SLC26A3: variants seen among roughly 807,000 people sequenced by gnomAD.
SLC26A3 encodes the protein solute carrier family 26 member 3.
Under a neutral mutation model 85.6 loss-of-function variants are expected in SLC26A3, and 64 were observed. The ratio of observed to expected loss-of-function variants is 0.75; its 90% confidence interval spans 0.61 to 0.92. SLC26A3 has a LOEUF of 0.92. Ranked by LOEUF, SLC26A3 falls within the 40% of genes least tolerant of loss-of-function variation. The pLI, the probability that SLC26A3 is intolerant of heterozygous loss-of-function variation, is 0.00. For missense variants in SLC26A3, 922 were observed against 927.3 expected (o/e 0.99, Z 0.07); for synonymous variants, 349 against 336.0 (o/e 1.04, Z -0.42).
intron 6 of SLC26A3, among the ~76,000 whole-genome samples, chr7:107,788,405 C>G (rs1301810880): frequency 6.6e-6 from 1 of 152,280 alleles, no homozygotes; most frequent in East Asian, 1.9e-4. Flanking sequence ...GGGAGAACTG[C>G]TGCCCTATCT....
At chr7:107,776,993 G>A (rs1168869210) in intron 13 of SLC26A3, among the ~76,000 whole-genome samples, 1 of 152,186 alleles carries the variant, frequency 6.6e-6, no homozygotes, top group Non-Finnish European at 1.5e-5. Context: ...ATTCCATGAG[G>A]TAAGGTGGAT....
chr7:107,791,096 C>T lies in SLC26A3; in HGVS notation c.522G>A (p.Val174=). 2 of 1,614,214 alleles carry T rather than the reference C, an allele frequency of 1.2e-6. No individual in the cohort carries two copies. The highest frequency in any genetic ancestry group is 2.7e-5 in the African/African-American group (2 of 75,054). ...TGACTGATGCCGCCGCCGCCACCCT[C>T]ACCCTCTCGTCATCCAGTAGTGAAG... ...NNSSLLDDER[V]RVAAAASVTV... The change falls in exon 5 of 21, where the codon GTG becomes GTA. Residue 174 remains valine, a synonymous_variant. Transcript: ENST00000340010.
chr7:107,774,226 G>A, intron 16 of SLC26A3, 73 bp from the exon 17 acceptor site: 3 of 1,199,532 alleles, frequency 2.5e-6, no homozygotes, highest in Admixed American at 3.4e-5. Flanking sequence ...TAGCCAGTGA[G>A]TTTCAGAAGC....
chr7:107,798,420 G>A (rs566769677), intron 1 of SLC26A3, among the ~76,000 whole-genome samples: 5 of 152,130 alleles, frequency 3.3e-5, no homozygotes, highest in African/African-American at 7.2e-5. Context: ...CTCCAGTTAC[G>A]AGAACCTCCA....
chr7:107,790,125 G>A (rs1794367897), intron 5 of SLC26A3, among the ~76,000 whole-genome samples: 1 of 152,208 alleles, frequency 6.6e-6, no homozygotes, highest in Admixed American at 6.5e-5. Context: ...TTTCCTCAAA[G>A]TTGCTCAACT....
At chr7:107,788,784 C>CTTTTTTTTTTTTTTTTTCTTTTTTTTTTT (rs71861759) in intron 6 of SLC26A3, among the ~76,000 whole-genome samples, 1 of 108,062 alleles carries the variant, frequency 9.3e-6, no homozygotes, top group African/African-American at 3.5e-5. Context: ...TTTTTCTTTT[C>CTTTTTTTTTTTTTTTTTCTTTTTTTTTTT]TTTTTTTTTT....
chr7:107,767,112 C>T (rs1793929257), intron 20 of SLC26A3, among the ~76,000 whole-genome samples: 1 of 152,276 alleles, frequency 6.6e-6, no homozygotes, highest in East Asian at 1.9e-4. Flanking sequence ...TGGCAACTCA[C>T]TCTAGTAAGG....
At chr7:107,776,770 C>T (rs1042916340) in intron 13 of SLC26A3, 64 bp from the exon 14 acceptor site, 1 of 1,462,254 alleles carries the variant, frequency 6.8e-7, no homozygotes, top group Non-Finnish European at 9.6e-7. Flanking sequence ...AAGGCTAACA[C>T]TGACTTTTTC....
At chr7:107,790,951 G>T in intron 5 of SLC26A3, 97 bp downstream of exon 5, 1 of 1,281,232 alleles carries the variant, frequency 7.8e-7, no homozygotes, top group Non-Finnish European at 1.1e-6. Context: ...CCAAAGGGAA[G>T]ATGGGGAGGA....
Position 107,791,087 on chromosome 7 carries a change from C to A in SLC26A3, c.531G>T (p.Ala177=), listed in dbSNP as rs543522300. ...AAAGCACTGTGACTGATGCCGCCGC[C>A]GCCACCCTCACCCTCTCGTCATCCA... ...SLLDDERVRV[A]AAASVTVLSG... The change falls in exon 5 of 21, where the codon GCG becomes GCT. Residue 177 remains alanine, a synonymous_variant. Coordinates refer to ENST00000340010, the MANE Select transcript of SLC26A3 (RefSeq NM_000111.3). 1.9e-6 allele frequency: 3 copies of A among 1,614,130 alleles called. No individual in the cohort carries two copies. The Admixed American group carries it at 5.0e-5, about 27-fold the overall frequency.
chr7:107,769,286 A>G (rs375904543), intron 18 of SLC26A3, among the ~76,000 whole-genome samples: 18 of 152,270 alleles, frequency 1.2e-4, no homozygotes, highest in African/African-American at 3.9e-4. Flanking sequence ...GCATACATTG[A>G]TTGCTGCACT....
Position 107,783,284 on chromosome 7 carries a change from G to A in SLC26A3, c.1040C>T (p.Ala347Val). 1 of 1,614,202 alleles carries A rather than the reference G, an allele frequency of 6.2e-7. No homozygotes were observed. The highest frequency in any genetic ancestry group is 1.1e-5 in the South Asian group (1 of 91,076). Residue 347 changes from alanine to valine, a missense_variant, in exon 9 of 21, where the codon GCA becomes GTA. By Grantham distance (64) the Ala-to-Val change is moderately conservative (BLOSUM62 0). Coordinates refer to ENST00000340010, the MANE Select transcript of SLC26A3 (RefSeq NM_000111.3). ...AAAGGCCACTGCAAATGCAACCATT[G>A]CGATGCCGAAGCAATCTCCTACGGT... is the stretch of plus-strand genomic sequence containing the variant. The part of the protein sequence containing the change: ...QNTVGDCFGI[A>V]MVAFAVAFSV...
rs1794356072 is a variant in SLC26A3 at position 107,789,494 on chromosome 7, CA to C, written c.735+29del. 1.2e-5 allele frequency: 19 copies of C among 1,598,206 alleles called. No individual in the cohort carries two copies. In the East Asian group the frequency reaches 4.2e-4, roughly 36 times the overall value. ...ACACAGTAGTGAGTTTCATGTATTT[CA>C]GTATTTTTTAGGTGAAAGAAATACT... On this transcript the variant is annotated intron_variant, in intron 6 of 20. Coordinates refer to ENST00000340010, the MANE Select transcript of SLC26A3 (RefSeq NM_000111.3).
chr7:107,794,008 A>C (rs1794452167), intron 2 of SLC26A3, 127 bp from the exon 3 acceptor site: 2 of 1,250,412 alleles, frequency 1.6e-6, no homozygotes, highest in Non-Finnish European at 2.3e-6. Context: ...TCCCAGTAAC[A>C]TTCTTTACCC....
At position 107,787,381 on chromosome 7, in the gene SLC26A3, C is replaced by A; in HGVS notation, c.864G>T (p.Val288=). ...INQRFKDKLP[V]PIPIEFIMTV... ...CCATAATGAATTCGATTGGAATGGG[C>A]ACTGGAAGTTTGTCTTTGAAGCGCT... Residue 288 remains valine, a synonymous_variant, in exon 7 of 21, where the codon GTG becomes GTT. Coordinates refer to ENST00000340010, the MANE Select transcript of SLC26A3 (RefSeq NM_000111.3). The A allele has an allele frequency of 6.2e-7, 1 of 1,614,082 alleles. No homozygotes were observed.
At chr7:107,768,905 T>G (rs548790096) in intron 18 of SLC26A3, among the ~76,000 whole-genome samples, 18 of 152,224 alleles carry the variant, frequency 1.2e-4, no homozygotes, top group African/African-American at 4.1e-4. Context: ...TGGAGGGCAT[T>G]GTGGCCACCA....
Position 107,779,662 on chromosome 7 carries a change from A to T in SLC26A3, c.1407+6T>A. The T allele has an allele frequency of 6.3e-7, 1 of 1,598,814 alleles. No individual in the cohort carries two copies. The highest frequency in any genetic ancestry group is 8.6e-7 in the Non-Finnish European group (1 of 1,166,120). On this transcript the variant is annotated splice_donor_region_variant and intron_variant, in intron 12 of 20. Transcript: ENST00000340010. ...CTCTCTTTCAAATACTATTGCCTCTACTTACACAATCATATTTGTCCTTTC... is the reference window on the plus strand; with the variant it reads ...CTCTCTTTCAAATACTATTGCCTCTTCTTACACAATCATATTTGTCCTTTC...
At chr7:107,770,053 TTTTCTTTCTTTTTCTTTCTC>T (rs1793991241) in intron 18 of SLC26A3, among the ~76,000 whole-genome samples, 1 of 101,800 alleles carries the variant, frequency 9.8e-6, no homozygotes, top group Admixed American at 1.1e-4. Context: ...TTTCTTTCTC[TTTTCTTTCTTTTTCTTTCTC>T]TCTTTTTTCT....
At chr7:107,788,856 T>A (rs2115864573) in intron 6 of SLC26A3, among the ~76,000 whole-genome samples, 1 of 146,206 alleles carries the variant, frequency 6.8e-6, no homozygotes, top group South Asian at 2.2e-4. Flanking sequence ...CAATCATAGC[T>A]CACTGCTGCC....
Sources: allele counts gnomAD v4.1 joint callset (sites outside exome capture counted in the v4.1 genomes callset), GRCh38; gene constraint gnomAD v4.1.1; transcripts MANE v1.5; gene names NCBI Gene and HGNC (gene_info 2026-07-23, HGNC 2026-07-21).